RSPO2: variants seen among roughly 807,000 people sequenced by gnomAD.
The protein encoded by RSPO2 is R-spondin-2.
RSPO2 carries 14 observed loss-of-function variants against 30.9 expected under a neutral mutation model. The ratio of observed to expected loss-of-function variants is 0.45; its 90% CI spans 0.30 to 0.71. RSPO2 has a LOEUF of 0.71. RSPO2 is among the 30% of genes least tolerant of loss of function. The pLI, the probability that RSPO2 is intolerant of heterozygous loss-of-function variation, is 0.08. For missense variants in RSPO2, 264 were observed against 301.9 expected (o/e 0.87, Z 0.93); for synonymous variants, 107 against 96.4 (o/e 1.11, Z -0.64).
Position 108,082,626 on chromosome 8 carries a change from G to T in RSPO2, c.13C>A (p.Leu5Ile), listed in dbSNP as rs555188515. The stretch of plus-strand genomic sequence containing the variant: ...AGAATGATGAGGGCAAAGGAGAAAA[G>T]GCGAAACTGCATCTGGGCGGTCGGG... MQFR[L>I]FSFALIILNC... The change falls in exon 2 of 6, where the codon CTT becomes ATT. Residue 5 changes from leucine to isoleucine, a missense_variant. By Grantham distance (5) the Leu-to-Ile change is conservative. Coordinates refer to ENST00000276659, the MANE Select transcript of RSPO2 (RefSeq NM_178565.5). The T allele has an allele frequency of 1.2e-6, 2 of 1,614,036 alleles. No homozygotes were observed. Among genetic ancestry groups the T allele is most frequent in the South Asian group, 1.1e-5 (1 of 91,080 alleles).
At chr8:108,070,967 G>A (rs1452467188) in intron 2 of RSPO2, among the ~76,000 whole-genome samples, 3 of 151,912 alleles carry the variant, frequency 2.0e-5, no homozygotes, top group South Asian at 4.2e-4. Context: ...TGAGGAAATG[G>A]TCTTGTTCCT....
At chr8:107,901,858 TAC>T (rs1256253821) in intron 5 of RSPO2, among the ~76,000 whole-genome samples, 1 of 152,218 alleles carries the variant, frequency 6.6e-6, no homozygotes, top group Non-Finnish European at 1.5e-5. Context: ...TGTGTCTAAC[TAC>T]CAGACGATCA....
chr8:107,952,426 T>C (rs1394691625), intron 5 of RSPO2, among the ~76,000 whole-genome samples: 4 of 152,162 alleles, frequency 2.6e-5, no homozygotes, highest in Non-Finnish European at 4.4e-5. Flanking sequence ...ATTATAACAC[T>C]TTTATCATAG....
chr8:108,068,996 TTAAAG>T (rs1197011770), intron 2 of RSPO2, among the ~76,000 whole-genome samples: 2 of 152,234 alleles, frequency 1.3e-5, no homozygotes, highest in African/African-American at 4.8e-5. Context: ...AATGCATTTC[TTAAAG>T]TAATGACTCT....
chr8:108,010,132 C>G (rs1810653043), intron 2 of RSPO2, among the ~76,000 whole-genome samples: 1 of 151,954 alleles, frequency 6.6e-6, no homozygotes, highest in Non-Finnish European at 1.5e-5. Flanking sequence ...AAAAAAGACT[C>G]AGAGCAAAAG....
At chr8:107,909,545 G>A (rs1563744790) in intron 5 of RSPO2, among the ~76,000 whole-genome samples, 1 of 152,058 alleles carries the variant, frequency 6.6e-6, no homozygotes, top group Non-Finnish European at 1.5e-5. Context: ...ACCATGCCCG[G>A]CCACTTTCCC....
intron 5 of RSPO2, among the ~76,000 whole-genome samples, chr8:107,951,553 T>G (rs1176399929): frequency 6.6e-6 from 1 of 152,172 alleles, no homozygotes; most frequent in African/African-American, 2.4e-5. Flanking sequence ...AGTAGCTTAC[T>G]GCATAGAACT....
At chr8:107,943,432 A>G (rs970186845) in intron 5 of RSPO2, among the ~76,000 whole-genome samples, 1 of 152,342 alleles carries the variant, frequency 6.6e-6, no homozygotes, top group Non-Finnish European at 1.5e-5. Flanking sequence ...CCTTTGAGCA[A>G]GTTCTTAATA....
intron 2 of RSPO2, among the ~76,000 whole-genome samples, chr8:107,993,819 C>T (rs996572932): frequency 7.9e-5 from 12 of 152,162 alleles, no homozygotes; most frequent in African/African-American, 2.4e-4. Flanking sequence ...TTCTTTGGCT[C>T]ATAGTTACAT....
At chr8:107,934,458 C>T (rs972904355) in intron 5 of RSPO2, among the ~76,000 whole-genome samples, 5 of 151,778 alleles carry the variant, frequency 3.3e-5, no homozygotes, top group East Asian at 1.9e-4. Flanking sequence ...CTGCAACCTC[C>T]GCCTCCCAGG....
At chr8:108,044,712 G>GT (rs2130664522) in intron 2 of RSPO2, among the ~76,000 whole-genome samples, 1 of 152,052 alleles carries the variant, frequency 6.6e-6, no homozygotes, top group East Asian at 1.9e-4. Flanking sequence ...TTTTCTTTGG[G>GT]TATATACGTG....
intron 2 of RSPO2, among the ~76,000 whole-genome samples, chr8:107,995,779 T>C (rs1814999022): frequency 1.3e-5 from 2 of 152,146 alleles, no homozygotes; most frequent in Admixed American, 1.3e-4. Context: ...CTTCTCATAA[T>C]TCAGGCCTTT....
chr8:108,028,991 G>C (rs1039771337), intron 2 of RSPO2, among the ~76,000 whole-genome samples: 1 of 131,546 alleles, frequency 7.6e-6, no homozygotes, highest in East Asian at 2.6e-4. Context: ...CGTGAAGTCA[G>C]TTCAAATTCT....
intron 4 of RSPO2, among the ~76,000 whole-genome samples, chr8:107,959,484 G>A (rs1671061323): frequency 6.6e-6 from 1 of 152,106 alleles, no homozygotes; most frequent in African/African-American, 2.4e-5. Context: ...AGTGGATGAG[G>A]GCTCAGGTCC....
chr8:108,009,180 A>C (rs1485352531), intron 2 of RSPO2, among the ~76,000 whole-genome samples: 1 of 152,146 alleles, frequency 6.6e-6, no homozygotes, highest in Non-Finnish European at 1.5e-5. Flanking sequence ...AATCTCCTAG[A>C]ATTGGAATTA....
rs58167448 is a variant in RSPO2 at position 108,038,757 on chromosome 8, G to GTT, written c.94+43786_94+43787dup. Among the ~76,000 whole-genome samples, 182 of 145,162 alleles carry GTT rather than the reference G, an allele frequency of 1.3e-3. 4 individuals are homozygous for GTT. In the South Asian group the frequency reaches 0.036, roughly 28 times the overall value. On this transcript the variant is annotated intron_variant, in intron 2 of 5. Transcript: ENST00000276659. Reference sequence around the variant, plus strand: ...TGAAGGCTCAGATGATTGTTAGTGGGTTTTTTTTTTTAGCAATAAAGTACT... The same window carrying GTT: ...TGAAGGCTCAGATGATTGTTAGTGGGTTTTTTTTTTTTTAGCAATAAAGTACT...
intron 5 of RSPO2, among the ~76,000 whole-genome samples, chr8:107,920,240 G>T (rs1344900084): frequency 1.3e-5 from 2 of 152,084 alleles, no homozygotes; most frequent in African/African-American, 2.4e-5. Context: ...TGGCTTAGGG[G>T]ATCATTTTAT....
intron 2 of RSPO2, 100 bp downstream of exon 2, chr8:108,082,445 C>T: frequency 4.7e-6 from 4 of 859,052 alleles, no homozygotes; most frequent in Non-Finnish European, 7.6e-6. Context: ...GTGGAGAGCA[C>T]AGCCCTGACC....
In RSPO2 at chr8:107,960,741, A is replaced by G. The variant is rs113070894; in HGVS notation, c.360T>C (p.His120=). The change falls in exon 4 of 6, where the codon CAT becomes CAC. Residue 120 remains histidine (H), a synonymous_variant. Coordinates refer to ENST00000276659, the MANE Select transcript of RSPO2 (RefSeq NM_178565.5). ...CTKCKVGFYL[H]RGRCFDECPD... ...GACATTCATCAAAGCAACGGCCTCT[A>G]TGCAAATAAAAGCCTACTTTGCACT... 10 of 1,613,444 alleles carry G rather than the reference A, an allele frequency of 6.2e-6. No homozygotes were observed. In the African/African-American group the frequency reaches 6.7e-5, roughly 11 times the overall value.
Sources: gnomAD v4.1 joint callset for allele counts (sites outside exome capture counted in the v4.1 genomes callset) on GRCh38, gnomAD v4.1.1 for gene constraint, MANE v1.5 for transcripts, NCBI Gene and HGNC (gene_info 2026-07-23, HGNC 2026-07-21) for gene names.